ROBO2: variants seen among roughly 807,000 people sequenced by gnomAD.
ROBO2 encodes the protein roundabout homolog 2.
In ROBO2, 53 loss-of-function variants were observed where a neutral mutation model predicts 160.8. The observed-to-expected ratio is 0.33, with a 90% CI of 0.26 to 0.41. The LOEUF (loss-of-function observed/expected upper bound fraction) is 0.41. Among genes scored for constraint, ROBO2 ranks in the 10% least tolerant of loss-of-function variants. ROBO2 has a pLI of 1.00. For synonymous variants in ROBO2, 664 were observed against 611.7 expected, an observed-to-expected ratio of 1.09 and a Z score of -1.26; for missense variants, 1,577 against 1,722.4, an observed-to-expected ratio of 0.92 and a Z score of 1.49.
intron 2 of ROBO2, among the ~76,000 whole-genome samples, chr3:76,024,610 AAC>A (rs2066677599): frequency 6.6e-6 from 1 of 151,676 alleles, no homozygotes; most frequent in Non-Finnish European, 1.5e-5. Context: ...CGATATAAAA[AAC>A]ACAACAAATA....
chr3:77,159,137 A>G (rs1198968328), intron 2 of ROBO2, among the ~76,000 whole-genome samples: 2 of 152,102 alleles, frequency 1.3e-5, no homozygotes, highest in South Asian at 4.1e-4. Flanking sequence ...GATTGGTTTC[A>G]TCAACACCCA....
chr3:77,210,206 T>A (rs965549485), intron 2 of ROBO2, among the ~76,000 whole-genome samples: 9 of 151,966 alleles, frequency 5.9e-5, no homozygotes, highest in Admixed American at 2.6e-4. Flanking sequence ...TGTACAAATA[T>A]CTCAATTTTC....
chr3:77,416,173 G>A (rs2077201723), intron 2 of ROBO2, among the ~76,000 whole-genome samples: 2 of 152,164 alleles, frequency 1.3e-5, no homozygotes. Flanking sequence ...TGTGTGAGGG[G>A]GAGGGCCCGA....
intron 2 of ROBO2, among the ~76,000 whole-genome samples, chr3:77,336,936 C>T (rs1041089157): frequency 1.3e-5 from 2 of 152,080 alleles, no homozygotes; most frequent in Non-Finnish European, 2.9e-5. Flanking sequence ...TTTTGTTTTG[C>T]TAAATTCGGT....
chr3:76,891,619 A>C (rs1302662954), intron 2 of ROBO2, among the ~76,000 whole-genome samples: 4 of 152,202 alleles, frequency 2.6e-5, no homozygotes, highest in Non-Finnish European at 5.9e-5. Context: ...CCAGTGGATA[A>C]CAAAAACAAG....
intron 1 of ROBO2, among the ~76,000 whole-genome samples, chr3:77,091,780 A>C (rs532910130): frequency 3.3e-5 from 5 of 152,052 alleles, no homozygotes; most frequent in African/African-American, 1.2e-4. Context: ...GGGGTTCGAG[A>C]CCATCCTGGC....
chr3:76,274,350 T>TAA (rs548394695), intron 2 of ROBO2, among the ~76,000 whole-genome samples: 121 of 147,056 alleles, frequency 8.2e-4, no homozygotes, highest in Admixed American at 2.2e-3. Flanking sequence ...AAAGTATAAT[T>TAA]AAAAAAAAAA....
chr3:77,563,512 A>G (rs761933206), intron 11 of ROBO2, among the ~76,000 whole-genome samples, 183 bp downstream of exon 12: 25 of 152,160 alleles, frequency 1.6e-4, no homozygotes, highest in Non-Finnish European at 3.5e-4. Flanking sequence ...CAACTTAATT[A>G]TAAGATTTAA....
At position 76,988,859 on chromosome 3, in the gene ROBO2, C is replaced by A. The variant is rs548890447; in HGVS notation, c.110-109155C>A. ...AGTATCAAACTACAGAAGTGTTTAC[C>A]TCAGCCCTGCCCTGATGCTGCACAT... On this transcript the variant is annotated intron_variant, in intron 2 of 26. Coordinates refer to the ROBO2 transcript ENST00000487694. 2.0e-5 allele frequency among the ~76,000 whole-genome samples: 3 copies of A among 152,182 alleles called. No homozygotes were observed. The South Asian group carries it at 6.2e-4, about 32-fold the overall frequency.
At chr3:77,570,000 T>C (rs1413531682) in intron 13 of ROBO2, among the ~76,000 whole-genome samples, 1 of 151,938 alleles carries the variant, frequency 6.6e-6, no homozygotes, top group Non-Finnish European at 1.5e-5. Context: ...ACAATTACGT[T>C]ATTATTTTTA....
chr3:77,028,492 G>A (rs1411455154), intron 2 of ROBO2, among the ~76,000 whole-genome samples: 1 of 152,086 alleles, frequency 6.6e-6, no homozygotes, highest in Non-Finnish European at 1.5e-5. Context: ...GAGGCAGGCG[G>A]ATCACCTGAG....
At chr3:76,249,384 G>A (rs1291633757) in intron 2 of ROBO2, among the ~76,000 whole-genome samples, 1 of 152,080 alleles carries the variant, frequency 6.6e-6, no homozygotes, top group African/African-American at 2.4e-5. Context: ...GGGAGATATA[G>A]CAAAGTAAAG....
intron 2 of ROBO2, among the ~76,000 whole-genome samples, chr3:77,008,282 A>G (rs975230577): frequency 2.6e-5 from 4 of 152,160 alleles, no homozygotes; most frequent in Non-Finnish European, 5.9e-5. Context: ...AACTGAGACT[A>G]TATTATAGGA....
At chr3:77,308,610 G>A (rs576754640) in intron 2 of ROBO2, among the ~76,000 whole-genome samples, 2 of 152,104 alleles carry the variant, frequency 1.3e-5, no homozygotes, top group African/African-American at 2.4e-5. Context: ...GAACATTCTT[G>A]TGGTTTCATA....
exon 26 of ROBO2, chr3:77,649,255 T>A (rs537893056): frequency 7.2e-4 from 110 of 152,304 alleles, no homozygotes; most frequent in African/African-American, 2.6e-3. Flanking sequence ...ACAAAACAGA[T>A]TTAATGGTGT....
At chr3:76,692,322 T>G (rs535906519) in intron 2 of ROBO2, among the ~76,000 whole-genome samples, 8 of 152,180 alleles carry the variant, frequency 5.3e-5, no homozygotes, top group African/African-American at 1.9e-4. Flanking sequence ...TGTGGTTAGA[T>G]TGGATTAACC....
chr3:77,277,137 C>CTTCCTTCT (rs879846978), intron 2 of ROBO2, among the ~76,000 whole-genome samples: 8,036 of 123,744 alleles, frequency 0.065, 660 homozygotes, highest in Non-Finnish European at 0.086. Context: ...TCCTTCCTTT[C>CTTCCTTCT]TTCCTTCTTT....
chr3:77,262,930 TA>T (rs1436001980), intron 2 of ROBO2, among the ~76,000 whole-genome samples: 2 of 152,170 alleles, frequency 1.3e-5, no homozygotes, highest in Non-Finnish European at 2.9e-5. Flanking sequence ...TGCTATAAAC[TA>T]AATGCCACTC....
chr3:77,310,887 A>G (rs946731613), intron 2 of ROBO2, among the ~76,000 whole-genome samples: 1 of 151,990 alleles, frequency 6.6e-6, no homozygotes, highest in Non-Finnish European at 1.5e-5. Context: ...AAACTCCATA[A>G]TGGATTAGGT....
Sources: gnomAD v4.1 joint callset for allele counts (sites outside exome capture counted in the v4.1 genomes callset) on GRCh38, gnomAD v4.1.1 for gene constraint, MANE v1.5 for transcripts, NCBI Gene and HGNC (gene_info 2026-07-23, HGNC 2026-07-21) for gene names.